TRHDE: variants seen among roughly 807,000 people sequenced by gnomAD.
The protein encoded by TRHDE is thyrotropin releasing hormone degrading enzyme.
TRHDE carries 72 observed loss-of-function variants against 125.7 expected under a neutral mutation model. That is an observed-to-expected ratio of 0.57 (90% CI 0.47 to 0.70). The LOEUF is 0.70. Among genes scored for constraint, TRHDE ranks in the 30% least tolerant of loss-of-function variants. The pLI, the probability that TRHDE is intolerant of heterozygous loss-of-function variation, is 0.00. For missense variants in TRHDE, 1,110 were observed against 1,327.1 expected (o/e 0.84, Z 2.54); for synonymous variants, 509 against 509.1 (o/e 1.00, Z 0.00).
At chr12:72,484,749 G>A (rs2135917840) in intron 5 of TRHDE, among the ~76,000 whole-genome samples, 1 of 152,252 alleles carries the variant, frequency 6.6e-6, no homozygotes, top group South Asian at 2.1e-4. Flanking sequence ...GAGGAAACAG[G>A]AAAAGGTGGC....
chr12:72,275,322 T>C (rs1181744575), intron 1 of TRHDE, among the ~76,000 whole-genome samples: 2 of 152,196 alleles, frequency 1.3e-5, no homozygotes, highest in African/African-American at 4.8e-5. Context: ...TAACCTCCTA[T>C]AAATAAAATG....
At chr12:72,264,823 T>C (rs558923237) in intron 2 of TRHDE, among the ~76,000 whole-genome samples, 1 of 151,702 alleles carries the variant, frequency 6.6e-6, no homozygotes, top group East Asian at 1.9e-4. Flanking sequence ...ATCAACTGTA[T>C]TATAAGAATT....
intron 6 of TRHDE, among the ~76,000 whole-genome samples, chr12:72,503,803 A>T (rs1235387061): frequency 6.6e-6 from 1 of 152,070 alleles, no homozygotes; most frequent in Non-Finnish European, 1.5e-5. Flanking sequence ...GAGTAAATTG[A>T]CTCCCATCCA....
chr12:72,271,972 C>G (rs1879233515), upstream of TRHDE: 4 of 456,644 alleles, frequency 8.8e-6, no homozygotes, highest in East Asian at 2.8e-4. Flanking sequence ...GTGGAGAAGG[C>G]TTTTCCAGGA....
rs1466700604 is a variant in TRHDE at position 72,665,462 on chromosome 12, G to A, written c.*2267G>A. ...AGTATAGTGGTACCAATGGCATTAA[G>A]ATGGTGTTTTTGTTCTACATATTTT... On this transcript the variant is annotated 3_prime_UTR_variant, in exon 19 of 19. Coordinates refer to ENST00000261180, the MANE Select transcript of TRHDE (RefSeq NM_013381.3). 3 of 152,376 alleles carry A rather than the reference G, an allele frequency of 2.0e-5. No individual in the cohort carries two copies. The highest frequency in any genetic ancestry group is 7.2e-5 in the African/African-American group (3 of 41,388). 9.4% of individuals were successfully genotyped at this position (152,376 alleles called of 1,614,324 possible).
chr12:72,436,649 A>C (rs554481288), intron 3 of TRHDE, among the ~76,000 whole-genome samples: 1 of 152,048 alleles, frequency 6.6e-6, no homozygotes, highest in South Asian at 2.1e-4. Flanking sequence ...ATATTCCAAG[A>C]GAATCAGCCT....
At chr12:72,284,672 T>G (rs541455229) in intron 1 of TRHDE, among the ~76,000 whole-genome samples, 2 of 152,318 alleles carry the variant, frequency 1.3e-5, no homozygotes, top group Admixed American at 1.3e-4. Context: ...GAAATGTAAT[T>G]CAGAAAATGT....
chr12:72,125,126 T>C (rs1174038444), intron 2 of TRHDE, among the ~76,000 whole-genome samples: 1 of 152,182 alleles, frequency 6.6e-6, no homozygotes, highest in Non-Finnish European at 1.5e-5. Context: ...TGACTTGTAA[T>C]TTATTTTCTT....
At position 72,356,441 on chromosome 12, in the gene TRHDE, T is replaced by G. The variant is rs184149887; in HGVS notation, c.1189-21554T>G. 5.9e-4 allele frequency among the ~76,000 whole-genome samples: 89 copies of G among 151,534 alleles called. No individual in the cohort carries two copies. The South Asian group carries it at 0.012, about 20-fold the overall frequency. Reference sequence around the variant, plus strand: ...AAAGATAACTAATGGGTACTAGACTTAGTACCTGGTTGACAAAATAATATG... The same window carrying G: ...AAAGATAACTAATGGGTACTAGACTGAGTACCTGGTTGACAAAATAATATG... On this transcript the variant is annotated intron_variant, in intron 2 of 18. Transcript: ENST00000261180.
At chr12:72,614,330 A>ATATATATATATATATT (rs531067163) in intron 12 of TRHDE, among the ~76,000 whole-genome samples, 21 of 129,844 alleles carry the variant, frequency 1.6e-4, no homozygotes, top group East Asian at 6.7e-4. Flanking sequence ...ATATATATAT[A>ATATATATATATATATT]TTTTTTTTTT....
intron 3 of TRHDE, among the ~76,000 whole-genome samples, chr12:72,410,915 G>A (rs1014426978): frequency 1.3e-5 from 2 of 151,556 alleles, no homozygotes; most frequent in Admixed American, 6.6e-5. Context: ...CATACAGGCC[G>A]GGCCCGGTGG....
At chr12:72,476,480 G>A (rs1441030904) in intron 5 of TRHDE, among the ~76,000 whole-genome samples, 1 of 152,146 alleles carries the variant, frequency 6.6e-6, no homozygotes, top group East Asian at 1.9e-4. Flanking sequence ...ATACTCAAAA[G>A]GACAAGAGTA....
intron 12 of TRHDE, 58 bp from the exon 13 acceptor site, chr12:72,618,833 G>C (rs918088996): frequency 7.3e-7 from 1 of 1,365,830 alleles, no homozygotes; most frequent in Admixed American, 2.8e-5. Flanking sequence ...TTTTATTTGC[G>C]TAAGTAAAAA....
intron 7 of TRHDE, among the ~76,000 whole-genome samples, chr12:72,548,226 A>G (rs1337778596): frequency 1.3e-5 from 2 of 151,502 alleles, no homozygotes; most frequent in African/African-American, 2.4e-5. Flanking sequence ...TTTTGCCCTC[A>G]TTTTTTTGTC....
chr12:72,264,763 C>A (rs1879027006), intron 2 of TRHDE: 1 of 151,772 alleles, frequency 6.6e-6, no homozygotes, highest in Non-Finnish European at 1.5e-5. Flanking sequence ...CAAGGTGGCA[C>A]TAAAGAGAAA....
intron 2 of TRHDE, among the ~76,000 whole-genome samples, chr12:72,340,248 C>T (rs994842713): frequency 2.0e-5 from 3 of 152,110 alleles, no homozygotes; most frequent in African/African-American, 7.2e-5. Context: ...TCAGATGAAG[C>T]AGATAAACAC....
At chr12:72,449,712 G>A (rs1875479840) in intron 3 of TRHDE, among the ~76,000 whole-genome samples, 3 of 151,750 alleles carry the variant, frequency 2.0e-5, no homozygotes, top group African/African-American at 7.3e-5. Flanking sequence ...AGGCAGCCCA[G>A]GATTTAACTA....
intron 3 of TRHDE, among the ~76,000 whole-genome samples, chr12:72,426,519 AG>A (rs976441781): frequency 4.6e-5 from 7 of 152,244 alleles, no homozygotes; most frequent in African/African-American, 1.7e-4. Context: ...CCTAACAAAA[AG>A]CTTAAGAGGT....
intron 12 of TRHDE, among the ~76,000 whole-genome samples, chr12:72,598,842 T>C (rs901221485): frequency 2.6e-5 from 4 of 152,084 alleles, no homozygotes; most frequent in Non-Finnish European, 4.4e-5. Context: ...ATAATGATCA[T>C]AGTACTCAAC....
Sources: gnomAD v4.1 joint callset for allele counts (sites outside exome capture counted in the v4.1 genomes callset) on GRCh38, gnomAD v4.1.1 for gene constraint, MANE v1.5 for transcripts, NCBI Gene and HGNC (gene_info 2026-07-23, HGNC 2026-07-21) for gene names.